EYS: variants seen among roughly 807,000 people sequenced by gnomAD.
EYS encodes the protein protein eyes shut homolog.
In EYS, 250 loss-of-function variants were observed where a neutral mutation model predicts 282.1. The observed-to-expected ratio is 0.89, with a 90% CI of 0.80 to 0.98. The LOEUF is 0.98. EYS is among the 50% of genes least tolerant of loss of function. The pLI, the probability that EYS is intolerant of heterozygous loss-of-function variation, is 0.00. For missense variants in EYS, 4,016 were observed against 3,709.0 expected (o/e 1.08, Z -2.15); for synonymous variants, 1,355 against 1,282.9 (o/e 1.06, Z -1.20).
rs574056775 is a variant in EYS, at chr6:65,261,316, T to C, written c.2023+34547A>G. On this transcript the variant is annotated intron_variant, in intron 12 of 42. Transcript: ENST00000503581. ...GAATATATATATACACACACAAACA[T>C]ATATATGTCTGATATAATTTTTACA... Among the ~76,000 whole-genome samples, 5 of 152,024 alleles carry C rather than the reference T, an allele frequency of 3.3e-5. No individual in the cohort carries two copies. The East Asian group carries it at 9.7e-4, about 29-fold the overall frequency.
intron 12 of EYS, among the ~76,000 whole-genome samples, chr6:65,146,401 T>A (rs974471000): frequency 2.0e-5 from 3 of 151,914 alleles, no homozygotes; most frequent in Non-Finnish European, 2.9e-5. Context: ...AAAGGAAAAA[T>A]GAGAAAGAAG....
intron 11 of EYS, among the ~76,000 whole-genome samples, chr6:65,310,237 G>A (rs753045524): frequency 1.1e-4 from 17 of 152,154 alleles, no homozygotes; most frequent in South Asian, 6.2e-4. Flanking sequence ...CCAGCTACTC[G>A]GGAGGCTGAG....
chr6:63,744,398 G>T (rs1769159432), intron 41 of EYS: 2 of 152,074 alleles, frequency 1.3e-5, no homozygotes, highest in Admixed American at 1.3e-4. Context: ...CTTTATCAGT[G>T]TCCCTTCCCT....
chr6:64,593,283 A>T lies in EYS; in HGVS notation c.3711T>A (p.Gly1237=). ...AACAGGTAATTCTCCTTATTTCATC[A>T]CCACAAAGAAGCCCAATGGAGCAGG... The part of the protein sequence containing the change: ...FMTCSIGLLC[G]DEIRRITCLT... The change falls in exon 25 of 43, where the codon GGT becomes GGA. Residue 1237 remains glycine, a synonymous_variant. Transcript: ENST00000503581. 1 of 1,550,462 alleles carries T rather than the reference A, an allele frequency of 6.4e-7. No individual in the cohort carries two copies.
intron 35 of EYS, among the ~76,000 whole-genome samples, chr6:63,889,133 G>C (rs1773343584): frequency 6.6e-6 from 1 of 152,072 alleles, no homozygotes; most frequent in Non-Finnish European, 1.5e-5. Flanking sequence ...AAGAAATATG[G>C]GACTATGTGA....
At chr6:65,388,032 A>G (rs1468214605) in intron 7 of EYS, among the ~76,000 whole-genome samples, 1 of 152,020 alleles carries the variant, frequency 6.6e-6, no homozygotes, top group Non-Finnish European at 1.5e-5. Flanking sequence ...TTGCATGCTT[A>G]CATACTGTGA....
rs931147629 is a variant in EYS, at chr6:64,938,313, T to G, written c.2381+7480A>C. ...CAGTCAACCATGCTCTAAAAATAGATGAATATAGTATAATAAGATATTTTG... is the reference window on the plus strand; with the variant it reads ...CAGTCAACCATGCTCTAAAAATAGAGGAATATAGTATAATAAGATATTTTG... On this transcript the variant is annotated intron_variant, in intron 15 of 42. Coordinates refer to ENST00000503581, the MANE Select transcript of EYS (RefSeq NM_001142800.2). Among the ~76,000 whole-genome samples the G allele has an allele frequency of 8.7e-4, 131 of 151,298 alleles. 10 individuals carry two copies. Among genetic ancestry groups the G allele is most frequent in the Non-Finnish European group, 3.0e-5 (2 of 67,558 alleles).
intron 7 of EYS, among the ~76,000 whole-genome samples, chr6:65,390,070 G>T (rs1157980321): frequency 2.0e-5 from 3 of 151,924 alleles, no homozygotes; most frequent in Non-Finnish European, 4.4e-5. Context: ...GGATCAGAGA[G>T]TGAAAGAATT....
chr6:65,086,723 G>A (rs1032745243), intron 12 of EYS, among the ~76,000 whole-genome samples: 4 of 151,942 alleles, frequency 2.6e-5, no homozygotes, highest in African/African-American at 4.8e-5. Context: ...TAAATCTATT[G>A]TTTGTTAAAT....
chr6:64,416,578 C>T (rs752390553), intron 28 of EYS, among the ~76,000 whole-genome samples: 8 of 137,304 alleles, frequency 5.8e-5, no homozygotes, highest in Non-Finnish European at 1.1e-4. Context: ...CTCATTTATT[C>T]ACACTTAATT....
At chr6:64,538,458 A>G (rs1764596848) in intron 26 of EYS, among the ~76,000 whole-genome samples, 2 of 152,188 alleles carry the variant, frequency 1.3e-5, no homozygotes, top group South Asian at 4.1e-4. Context: ...ATGGCTTTCA[A>G]GGTTATTCAA....
At chr6:64,009,010 C>T (rs1768479104) in intron 33 of EYS, among the ~76,000 whole-genome samples, 1 of 152,144 alleles carries the variant, frequency 6.6e-6, no homozygotes, top group South Asian at 2.1e-4. Flanking sequence ...GAATGTTGGC[C>T]TCTCTAGTGA....
intron 26 of EYS, among the ~76,000 whole-genome samples, chr6:64,465,846 C>T (rs1775900661): frequency 6.6e-6 from 1 of 151,636 alleles, no homozygotes; most frequent in African/African-American, 2.4e-5. Context: ...TATTTGGAAA[C>T]CATACATCTG....
intron 33 of EYS, among the ~76,000 whole-genome samples, chr6:64,029,573 C>T (rs1294127593): frequency 3.3e-5 from 5 of 152,220 alleles, no homozygotes; most frequent in African/African-American, 4.8e-5. Context: ...GGGAACCAAT[C>T]GAGCATGACT....
chr6:65,358,355 A>G (rs1431941454), intron 8 of EYS, among the ~76,000 whole-genome samples: 2 of 151,994 alleles, frequency 1.3e-5, no homozygotes, highest in African/African-American at 4.8e-5. Context: ...AAGTTCACTT[A>G]TTATGGTATG....
At chr6:64,944,482 A>G (rs1769205406) in intron 15 of EYS, among the ~76,000 whole-genome samples, 1 of 152,054 alleles carries the variant, frequency 6.6e-6, no homozygotes, top group South Asian at 2.1e-4. Context: ...GATAGTCTGA[A>G]ATATAGTCTG....
intron 2 of EYS, among the ~76,000 whole-genome samples, chr6:65,501,687 A>C (rs1015211635): frequency 2.0e-5 from 3 of 151,768 alleles, no homozygotes; most frequent in African/African-American, 7.2e-5. Flanking sequence ...CTTGTGGTTA[A>C]ATTTTTATCA....
At chr6:64,638,223 G>A (rs1183718667) in intron 22 of EYS, among the ~76,000 whole-genome samples, 1 of 91,436 alleles carries the variant, frequency 1.1e-5, no homozygotes, top group East Asian at 2.4e-4. Flanking sequence ...TAAATGTTGG[G>A]AAGAATGTAG....
chr6:65,482,420 G>C (rs1037380948), intron 5 of EYS, among the ~76,000 whole-genome samples: 8 of 152,230 alleles, frequency 5.3e-5, no homozygotes, highest in African/African-American at 1.9e-4. Context: ...TGCATGGCAG[G>C]GGGTTAGAGA....
Sources: gnomAD v4.1 joint callset for allele counts (sites outside exome capture counted in the v4.1 genomes callset) on GRCh38, gnomAD v4.1.1 for gene constraint, MANE v1.5 for transcripts, NCBI Gene and HGNC (gene_info 2026-07-23, HGNC 2026-07-21) for gene names.